Variants in CDH13 observed in about 807,000 individuals in gnomAD.
The protein encoded by CDH13 is cadherin-13.
In CDH13, 24 loss-of-function variants were observed where a neutral mutation model predicts 63.8. That is an observed-to-expected ratio of 0.38 (90% confidence interval 0.27 to 0.53). CDH13 has a LOEUF of 0.53. Ranked by LOEUF, CDH13 falls within the 20% of genes least tolerant of loss-of-function variation. The pLI, the probability that CDH13 is intolerant of heterozygous loss-of-function variation, is 0.85. For synonymous variants in CDH13, 503 were observed against 355.3 expected, an observed-to-expected ratio of 1.42 and a Z score of -4.67; for missense variants, 1,049 against 903.1, an observed-to-expected ratio of 1.16 and a Z score of -2.07.
intron 4 of CDH13, among the ~76,000 whole-genome samples, chr16:83,126,186 T>G (rs1254558360): frequency 1.3e-5 from 2 of 152,170 alleles, no homozygotes; most frequent in African/African-American, 4.8e-5. Context: ...GGAAAAGAGT[T>G]TTCTCAGCAA....
chr16:82,722,788 G>A (rs537666267), intron 1 of CDH13, among the ~76,000 whole-genome samples: 7 of 152,110 alleles, frequency 4.6e-5, no homozygotes, highest in Non-Finnish European at 1.0e-4. Context: ...TGCTCACAGG[G>A]TACCAGGGAT....
intron 3 of CDH13, among the ~76,000 whole-genome samples, chr16:83,118,382 A>G (rs1035194741): frequency 3.9e-5 from 6 of 152,186 alleles, no homozygotes; most frequent in South Asian, 2.1e-4. Context: ...ATGTGTGTCT[A>G]TCAGATGGAT....
chr16:83,537,983 A>G (rs973738113), intron 7 of CDH13, among the ~76,000 whole-genome samples: 1 of 152,220 alleles, frequency 6.6e-6, no homozygotes, highest in African/African-American at 2.4e-5. Context: ...CGGCCCAAAT[A>G]ATAAATGTTG....
At chr16:83,226,692 C>T (rs900638507) in intron 5 of CDH13, among the ~76,000 whole-genome samples, 2 of 152,160 alleles carry the variant, frequency 1.3e-5, no homozygotes, top group Non-Finnish European at 2.9e-5. Context: ...ACTGCAAGAG[C>T]CTTAGACCCA....
At chr16:83,136,507 A>T (rs1343261857) in intron 4 of CDH13, among the ~76,000 whole-genome samples, 1 of 151,102 alleles carries the variant, frequency 6.6e-6, no homozygotes, top group Non-Finnish European at 1.5e-5. Flanking sequence ...AAAAAAAAAA[A>T]GAAATAGACT....
intron 6 of CDH13, among the ~76,000 whole-genome samples, chr16:83,476,049 T>A (rs1012169339): frequency 1.3e-5 from 2 of 152,244 alleles, no homozygotes; most frequent in African/African-American, 4.8e-5. Flanking sequence ...AGCTTTATAT[T>A]ACCTTAAGCT....
At chr16:82,648,406 G>T (rs1199332747) in intron 1 of CDH13, among the ~76,000 whole-genome samples, 1 of 152,182 alleles carries the variant, frequency 6.6e-6, no homozygotes, top group African/African-American at 2.4e-5. Flanking sequence ...TAAATGCTCT[G>T]CAAATAGGTT....
intron 7 of CDH13, among the ~76,000 whole-genome samples, chr16:83,488,404 T>C (rs1245134926): frequency 1.3e-5 from 2 of 152,092 alleles, no homozygotes; most frequent in African/African-American, 4.8e-5. Flanking sequence ...GAGTTGGAAA[T>C]AAAACTAAGA....
At chr16:82,670,255 A>G (rs1187179973) in intron 1 of CDH13, among the ~76,000 whole-genome samples, 1 of 152,236 alleles carries the variant, frequency 6.6e-6, no homozygotes, top group African/African-American at 2.4e-5. Context: ...ACATTTGAAC[A>G]TCATCTAGAG....
intron 4 of CDH13, among the ~76,000 whole-genome samples, chr16:83,186,493 C>A (rs1327276620): frequency 1.3e-5 from 2 of 152,036 alleles, no homozygotes; most frequent in Admixed American, 6.6e-5. Flanking sequence ...GCCTCTGATG[C>A]TTGAGGTTCT....
chr16:82,949,597 C>T (rs903247806), intron 2 of CDH13, among the ~76,000 whole-genome samples: 1 of 152,258 alleles, frequency 6.6e-6, no homozygotes, highest in South Asian at 2.1e-4. Flanking sequence ...TTCTATGATA[C>T]TGGGTGAGAT....
chr16:82,887,119 G>C (rs1052519959), intron 2 of CDH13, among the ~76,000 whole-genome samples: 1 of 152,122 alleles, frequency 6.6e-6, no homozygotes, highest in Non-Finnish European at 1.5e-5. Flanking sequence ...TTAATATAGG[G>C]AGGAAACCAC....
At chr16:83,004,487 C>T (rs1340277899) in intron 2 of CDH13, among the ~76,000 whole-genome samples, 3 of 152,024 alleles carry the variant, frequency 2.0e-5, no homozygotes, top group East Asian at 3.9e-4. Context: ...CATGCAAGGA[C>T]CCCTGTTTTG....
chr16:82,940,816 C>G (rs1904278412), intron 2 of CDH13, among the ~76,000 whole-genome samples: 1 of 152,122 alleles, frequency 6.6e-6, no homozygotes, highest in African/African-American at 2.4e-5. Flanking sequence ...GCTCTTGTCC[C>G]ATGACTCCTA....
intron 6 of CDH13, among the ~76,000 whole-genome samples, chr16:83,415,001 A>T (rs1238491279): frequency 6.6e-6 from 1 of 152,278 alleles, no homozygotes; most frequent in Admixed American, 6.5e-5. Context: ...AAAGATAAGC[A>T]AAATTGACAA....
intron 6 of CDH13, among the ~76,000 whole-genome samples, chr16:83,445,997 G>GTA (rs1237615855): frequency 2.0e-5 from 3 of 152,036 alleles, no homozygotes; most frequent in Non-Finnish European, 4.4e-5. Context: ...TTTTTATTGG[G>GTA]TATAGAAAAA....
chr16:83,548,935 CT>C (rs1007354349), intron 7 of CDH13, among the ~76,000 whole-genome samples: 1 of 152,190 alleles, frequency 6.6e-6, no homozygotes, highest in African/African-American at 2.4e-5. Flanking sequence ...TGAGTATTTT[CT>C]TTGCCCCCTT....
intron 3 of CDH13, among the ~76,000 whole-genome samples, chr16:83,065,304 G>A (rs1033693395): frequency 2.0e-5 from 3 of 152,198 alleles, no homozygotes; most frequent in African/African-American, 7.2e-5. Context: ...GGTAGGAAAA[G>A]CCTTAAGAAG....
chr16:83,622,707 T>A (rs554829879), intron 8 of CDH13, among the ~76,000 whole-genome samples: 17 of 152,350 alleles, frequency 1.1e-4, no homozygotes, highest in South Asian at 2.1e-4. Context: ...TTTTAAATCT[T>A]TTTACATTTA....
Sources: gnomAD v4.1 joint callset for allele counts (sites outside exome capture counted in the v4.1 genomes callset) on GRCh38, gnomAD v4.1.1 for gene constraint, MANE v1.5 for transcripts, NCBI Gene and HGNC (gene_info 2026-07-23, HGNC 2026-07-21) for gene names.